The following IGFN1 variants were observed in gnomAD, a reference collection of about 807,000 sequenced individuals.
The protein encoded by IGFN1 is immunoglobulin-like and fibronectin type III domain-containing protein 1.
IGFN1 carries 253 observed loss-of-function variants against 289.5 expected under a neutral mutation model. The ratio of observed to expected loss-of-function variants is 0.87; its 90% CI spans 0.79 to 0.97. The LOEUF is 0.97. IGFN1 is among the 50% of genes least tolerant of loss of function. The pLI, the probability that IGFN1 is intolerant of heterozygous loss-of-function variation, is 0.00. For synonymous variants in IGFN1, 1,706 were observed against 1,788.5 expected (o/e 0.95, Z 1.16); for missense variants, 4,470 against 4,686.1 (o/e 0.95, Z 1.35).
Position 201,212,158 on chromosome 1 carries a change from T to G in IGFN1, c.7265T>G (p.Val2422Gly), listed in dbSNP as rs1217010419. Residue 2422 changes from valine to glycine, a missense_variant, in exon 12 of 24, where the codon GTG becomes GGG. Transcript: ENST00000335211. Reference sequence around the variant, plus strand: ...CTTGTGGATGGGGCAGGACCTGGGGTGGAACCTGGGATGGCTGGAATGCCA... The same window carrying G: ...CTTGTGGATGGGGCAGGACCTGGGGGGGAACCTGGGATGGCTGGAATGCCA... ...TRLVDGAGPG[V>G]EPGMAGMPGT... 6.5e-7 allele frequency: 1 copy of G among 1,535,144 alleles called. No individual in the cohort carries two copies. The highest frequency in any genetic ancestry group is 8.7e-7 in the Non-Finnish European group (1 of 1,146,398).
Position 201,212,088 on chromosome 1 carries a change from G to T in IGFN1, c.7195G>T (p.Asp2399Tyr). 6.5e-7 allele frequency: 1 copy of T among 1,536,414 alleles called. No individual in the cohort carries two copies. Among genetic ancestry groups the T allele is most frequent in the Non-Finnish European group, 8.7e-7 (1 of 1,146,778 alleles). Residue 2399 changes from aspartate to tyrosine, a missense_variant, in exon 12 of 24, where the codon GAC becomes TAC. By Grantham distance (160) the Asp-to-Tyr change is radical (BLOSUM62 -3). Around this residue, in one of 8 missense-constraint regions of IGFN1, gnomAD observed 2,218 missense variants for 2,114.1 expected, o/e 1.05. Transcript: ENST00000335211. ...RSGYWVASEG[D>Y]TNSKDGPERA... ...AGGATATTGGGTAGCATCAGAGGGT[G>T]ACACGAACTCCAAGGATGGTCCAGA...
At chr1:201,205,040 C>T (rs1437758706) in intron 10 of IGFN1, 42 bp from the exon 11 acceptor site, 1 of 1,503,998 alleles carries the variant, frequency 6.6e-7, no homozygotes, top group African/African-American at 1.4e-5. Flanking sequence ...CACACTGTGT[C>T]ATACCATCAA....
rs770252795 is a variant in IGFN1 at position 201,208,585 on chromosome 1, C to G, written c.3692C>G (p.Ala1231Gly). 8.7e-6 allele frequency: 13 copies of G among 1,489,300 alleles called. No individual in the cohort carries two copies. In the South Asian group the frequency reaches 1.7e-4, roughly 20 times the overall value. The allele number at this position is 1,489,300 out of a possible 1,614,324, so 92.3% of individuals were successfully genotyped here. ...CCTCAGGGAACTGGGGTCAGAACAG[C>G]CTATGGAGAAAGGTCAAGGGGCCTT... Reference protein sequence around the residue: ...PGPQGTGVRTAYGERSRGLGP... With the variant: ...PGPQGTGVRTGYGERSRGLGP... The change falls in exon 12 of 24, where the codon GCC becomes GGC. Residue 1231 changes from alanine to glycine, a missense_variant. Around this residue, in one of 8 missense-constraint regions of IGFN1, gnomAD observed 2,011 missense variants for 1,953.4 expected, o/e 1.03. Transcript: ENST00000335211.
rs1012705518 is a variant in IGFN1 at position 201,200,399 on chromosome 1, C to T, written c.621C>T (p.Asp207=). 6.4e-7 allele frequency: 1 copy of T among 1,551,532 alleles called. No individual in the cohort carries two copies. The highest frequency in any genetic ancestry group is 2.4e-5 in the East Asian group (1 of 40,918). Residue 207 remains aspartate, a synonymous_variant, in exon 8 of 24, where the codon GAC becomes GAT. Transcript: ENST00000335211. Reference sequence around the variant, plus strand: ...AGGAGATGAAGAAGGAACAGGAGGACAAGATGGCACAGGTGCCTCACCCCA... The same window carrying T: ...AGGAGATGAAGAAGGAACAGGAGGATAAGATGGCACAGGTGCCTCACCCCA... The part of the protein sequence containing the change: ...RLQEMKKEQE[D]KMAQYINTIS...
chr1:201,212,138 G>A lies in IGFN1; in HGVS notation c.7245G>A (p.Val2415=). 1 of 1,536,422 alleles carries A rather than the reference G, an allele frequency of 6.5e-7. No homozygotes were observed. Among genetic ancestry groups the A allele is most frequent in the Non-Finnish European group, 8.7e-7 (1 of 1,146,784 alleles). Residue 2415 remains valine (V), a synonymous_variant, in exon 12 of 24, where the codon GTG becomes GTA. Transcript: ENST00000335211. Reference sequence around the variant, plus strand: ...AGCGAGCCAGGGAAACCAGGCTTGTGGATGGGGCAGGACCTGGGGTGGAAC... The same window carrying A: ...AGCGAGCCAGGGAAACCAGGCTTGTAGATGGGGCAGGACCTGGGGTGGAAC... The part of the protein sequence containing the change: ...GPERARETRL[V]DGAGPGVEPG...
At position 201,200,248 on chromosome 1, in the gene IGFN1, C is replaced by A; in HGVS notation, c.470C>A (p.Ala157Asp). 6.4e-7 allele frequency: 1 copy of A among 1,551,526 alleles called. No individual in the cohort carries two copies. The highest frequency in any genetic ancestry group is 8.7e-7 in the Non-Finnish European group (1 of 1,146,860). ...GCCTTGCTCCCCAGGGCCCCACCAG[C>A]CCCCAAGAAAAAGATGGACCTTGAG... ...RKLLKKRAPP[A>D]PKKKMDLEQI... Residue 157 changes from alanine (A) to aspartate (D), a missense_variant, in exon 8 of 24, where the codon GCC becomes GAC. Ala to Asp is a moderately radical substitution (Grantham distance 126). Coordinates refer to ENST00000335211, the MANE Select transcript of IGFN1 (RefSeq NM_001164586.2).
At position 201,195,997 on chromosome 1, in the gene IGFN1, C is replaced by G. The variant is rs1252401915; in HGVS notation, c.267+19C>G. 9 of 1,550,338 alleles carry G rather than the reference C, an allele frequency of 5.8e-6. 1 individual carries two copies. Among genetic ancestry groups the G allele is most frequent in the Middle Eastern group, 1.7e-4 (1 of 5,980 alleles). Reference sequence around the variant, plus strand: ...GCTGCAGGTAAGAACCGTAGCTCTTCCCCTGACCAGGGTCTACTCGTCTTT... The same window carrying G: ...GCTGCAGGTAAGAACCGTAGCTCTTGCCCTGACCAGGGTCTACTCGTCTTT... On this transcript the variant is annotated intron_variant, in intron 4 of 23. Coordinates refer to ENST00000335211, the MANE Select transcript of IGFN1 (RefSeq NM_001164586.2).
chr1:201,193,124 C>A (rs562133841), intron 1 of IGFN1, 123 bp from the exon 2 acceptor site: 10 of 605,128 alleles, frequency 1.7e-5, no homozygotes, highest in Non-Finnish European at 2.4e-5. Context: ...GTTAGAAAAG[C>A]TCTTGGGGGC....
chr1:201,194,572 T>A lies in IGFN1; in HGVS notation c.127+299T>A, dbSNP rs1278676304. ...TAAACTGGGGAGCAGGGAGAGGTTGTGGTGTTTCCTGGTCCCTGTCTCCTC... is the reference window on the plus strand; with the variant it reads ...TAAACTGGGGAGCAGGGAGAGGTTGAGGTGTTTCCTGGTCCCTGTCTCCTC... On this transcript the variant is annotated intron_variant, in intron 3 of 23. Transcript: ENST00000335211. Among the ~76,000 whole-genome samples, 10 of 152,294 alleles carry A rather than the reference T, an allele frequency of 6.6e-5. No homozygotes were observed. The East Asian group carries it at 1.9e-3, about 29-fold the overall frequency.
At chr1:201,220,370 G>A (rs1194164798) in intron 18 of IGFN1, among the ~76,000 whole-genome samples, 2 of 152,182 alleles carry the variant, frequency 1.3e-5, no homozygotes, top group Non-Finnish European at 2.9e-5. Flanking sequence ...TGTAGAGACA[G>A]GGTCTCACTA....
intron 15 of IGFN1, 113 bp from the exon 16 acceptor site, chr1:201,216,341 G>A (rs1653272984): frequency 6.0e-6 from 5 of 834,218 alleles, no homozygotes; most frequent in Admixed American, 5.9e-5. Flanking sequence ...ATCTGCTGAT[G>A]AGTGGATGGG....
At position 201,206,966 on chromosome 1, in the gene IGFN1, C is replaced by T. The variant is rs552504683; in HGVS notation, c.2073C>T (p.Ala691=). The T allele has an allele frequency of 3.3e-6, 5 of 1,535,956 alleles. No individual in the cohort carries two copies. In the Admixed American group the frequency reaches 5.9e-5, roughly 18 times the overall value. Reference sequence around the variant, plus strand: ...GTTCTGGCTCCAAGGTGGGCATGGCCCCTGAATCCTGGGGTTCTCAGGGAG... The same window carrying T: ...GTTCTGGCTCCAAGGTGGGCATGGCTCCTGAATCCTGGGGTTCTCAGGGAG... ...GRGSGSKVGM[A]PESWGSQGGR... The change falls in exon 12 of 24, where the codon GCC becomes GCT. Residue 691 remains alanine, a synonymous_variant. Coordinates refer to ENST00000335211, the MANE Select transcript of IGFN1 (RefSeq NM_001164586.2).
At position 201,227,309 on chromosome 1, in the gene IGFN1, G is replaced by T. The variant is rs765844267; in HGVS notation, c.11113+101G>T. 2.4e-5 allele frequency: 22 copies of T among 898,738 alleles called. No homozygotes were observed. In the African/African-American group the frequency reaches 3.3e-4, roughly 14 times the overall value. 55.7% of individuals were successfully genotyped at this position (898,738 alleles called of 1,614,324 possible). A position where few individuals can be genotyped will look rare whatever the true frequency, so the allele number is the denominator to read the frequency against. ...GGGGGGTGCCTAGAGGGATTCAGCC[G>T]GGAGTCAGGAGACCAGGACTCTCTG... is the stretch of plus-strand genomic sequence containing the variant. On this transcript the variant is annotated intron_variant, in intron 23 of 23. Transcript: ENST00000335211.
intron 5 of IGFN1, among the ~76,000 whole-genome samples, chr1:201,198,736 T>C (rs1292942565): frequency 6.6e-6 from 1 of 152,180 alleles, no homozygotes; most frequent in African/African-American, 2.4e-5. Flanking sequence ...CCATCCACCC[T>C]TTTTATAGAG....
chr1:201,209,592 A>G lies in IGFN1; in HGVS notation c.4699A>G (p.Arg1567Gly). The change falls in exon 12 of 24, where the codon AGG becomes GGG. Residue 1567 changes from arginine (R) to glycine (G), a missense_variant. This residue lies in a region of IGFN1 where 31 missense variants were observed against 121.0 expected (regional missense o/e 0.26). Coordinates refer to ENST00000335211, the MANE Select transcript of IGFN1 (RefSeq NM_001164586.2). Reference protein sequence around the residue: ...EMGSVNKAGYRKDLGAPKGMG... With the variant: ...EMGSVNKAGYGKDLGAPKGMG... ...GGGGTCAGTGAATAAGGCAGGTTAT[A>G]GGAAGGATTTGGGGGCTCCTAAGGG... 6.5e-7 allele frequency: 1 copy of G among 1,534,100 alleles called. No homozygotes were observed.
intron 20 of IGFN1, chr1:201,223,211 C>G (rs1225891106): frequency 6.2e-6 from 1 of 161,402 alleles, no homozygotes; most frequent in African/African-American, 2.4e-5. Flanking sequence ...AGCACATGAC[C>G]TATATTTGAC....
intron 11 of IGFN1, 89 bp from the exon 12 acceptor site, chr1:201,205,994 C>A: frequency 1.0e-6 from 1 of 979,364 alleles, no homozygotes; most frequent in Non-Finnish European, 1.5e-6. Flanking sequence ...CAGGCAGGTG[C>A]TTTGGCCGGA....
chr1:201,206,501 A>C lies in IGFN1; in HGVS notation c.1608A>C (p.Pro536=). ...GCTCAGAATCAGGGTTGGGCCTCCC[A>C]GAAAAACAACAGCAAGATCGTGGCA... is the stretch of plus-strand genomic sequence containing the variant. ...GESSESGLGL[P]EKQQQDRGRD... The change falls in exon 12 of 24, where the codon CCA becomes CCC. Residue 536 remains proline (P), a synonymous_variant. Coordinates refer to ENST00000335211, the MANE Select transcript of IGFN1 (RefSeq NM_001164586.2). 1 of 1,551,402 alleles carries C rather than the reference A, an allele frequency of 6.4e-7. No individual in the cohort carries two copies. The highest frequency in any genetic ancestry group is 8.7e-7 in the Non-Finnish European group (1 of 1,146,988).
chr1:201,206,086 G>C lies in IGFN1; in HGVS notation c.1193G>C (p.Gly398Ala). The stretch of plus-strand genomic sequence containing the variant: ...TATGAATAACCCCTCACTGAAGCTG[G>C]GAAGGATAAAGACCTTCAGTCCACA... ...TSSAWLVVEA[G>A]KDKDLQSTSA... is the part of the protein sequence containing the mutation. Residue 398 changes from glycine to alanine, a missense_variant, in exon 12 of 24, where the codon GGG becomes GCG. By Grantham distance (60) the Gly-to-Ala change is moderately conservative. Around this residue, in one of 8 missense-constraint regions of IGFN1, gnomAD observed 2,011 missense variants for 1,953.4 expected, o/e 1.03. Transcript: ENST00000335211. 1 of 1,543,584 alleles carries C rather than the reference G, an allele frequency of 6.5e-7. No homozygotes were observed. The highest frequency in any genetic ancestry group is 8.8e-7 in the Non-Finnish European group (1 of 1,140,992).
Sources: allele counts gnomAD v4.1 joint callset (sites outside exome capture counted in the v4.1 genomes callset), GRCh38; gene constraint gnomAD v4.1.1; regional missense constraint gnomAD v4.1.1; transcripts MANE v1.5; gene names NCBI Gene and HGNC (gene_info 2026-07-23, HGNC 2026-07-21).